Variants in CALCR observed in about 807,000 individuals in gnomAD.
The protein encoded by CALCR is calcitonin receptor.
CALCR carries 47 observed loss-of-function variants against 59.5 expected under a neutral mutation model. The observed-to-expected ratio is 0.79, with a 90% CI of 0.63 to 1.01. The LOEUF is 1.01. Among genes scored for constraint, CALCR ranks in the 50% least tolerant of loss-of-function variants. CALCR has a pLI of 0.00. For synonymous variants in CALCR, 213 were observed against 211.3 expected (o/e 1.01, Z -0.07); for missense variants, 566 against 597.1 (o/e 0.95, Z 0.54).
chr7:93,513,715 T>C (rs2116055733), intron 2 of CALCR, among the ~76,000 whole-genome samples: 1 of 152,158 alleles, frequency 6.6e-6, no homozygotes, highest in Non-Finnish European at 1.5e-5. Context: ...CTTGCAGTGT[T>C]AATGTGATCT....
intron 8 of CALCR, among the ~76,000 whole-genome samples, chr7:93,455,815 A>G (rs1258032424): frequency 1.3e-5 from 2 of 152,142 alleles, no homozygotes; most frequent in African/African-American, 4.8e-5. Context: ...AAAGATACTC[A>G]AGAAATTGGA....
intron 2 of CALCR, among the ~76,000 whole-genome samples, chr7:93,511,445 C>T (rs1156402506): frequency 6.6e-6 from 1 of 151,990 alleles, no homozygotes; most frequent in East Asian, 1.9e-4. Flanking sequence ...AGACAAATCT[C>T]CCATTGTTGA....
chr7:93,427,666 A>T (rs544382063), intron 13 of CALCR, among the ~76,000 whole-genome samples: 1 of 152,182 alleles, frequency 6.6e-6, no homozygotes, highest in Non-Finnish European at 1.5e-5. Flanking sequence ...AATCTGAGAG[A>T]TGAGAAAAAT....
At chr7:93,561,525 T>C (rs1325725542) in intron 2 of CALCR, among the ~76,000 whole-genome samples, 1 of 152,122 alleles carries the variant, frequency 6.6e-6, no homozygotes, top group Non-Finnish European at 1.5e-5. Flanking sequence ...TTAAGAAATT[T>C]ATAATTGTTA....
intron 2 of CALCR, among the ~76,000 whole-genome samples, chr7:93,505,193 C>T (rs141653566): frequency 3.1e-4 from 47 of 152,120 alleles, no homozygotes; most frequent in African/African-American, 1.1e-3. Context: ...ACTCAGTAGT[C>T]ACAATGTTCT....
chr7:93,449,641 C>A (rs1425056378), intron 8 of CALCR, among the ~76,000 whole-genome samples: 1 of 151,944 alleles, frequency 6.6e-6, no homozygotes, highest in Non-Finnish European at 1.5e-5. Context: ...ATTTTAACTC[C>A]TAATTCAATA....
chr7:93,476,441 G>GTA (rs1183294999), intron 5 of CALCR, among the ~76,000 whole-genome samples: 1 of 151,608 alleles, frequency 6.6e-6, no homozygotes. Context: ...GTGTGTATGT[G>GTA]TATATATATA....
chr7:93,433,957 C>T (rs1799713811), intron 13 of CALCR, among the ~76,000 whole-genome samples: 1 of 152,230 alleles, frequency 6.6e-6, no homozygotes, highest in African/African-American at 2.4e-5. Context: ...AGGAATATGA[C>T]TTCTCTTTGT....
intron 2 of CALCR, among the ~76,000 whole-genome samples, chr7:93,525,508 T>A (rs987051950): frequency 6.6e-6 from 1 of 152,190 alleles, no homozygotes; most frequent in African/African-American, 2.4e-5. Context: ...GAGCAGGTCA[T>A]GGTGTGTATG....
intron 2 of CALCR, among the ~76,000 whole-genome samples, chr7:93,558,607 C>T (rs1410698560): frequency 1.3e-5 from 2 of 152,012 alleles, no homozygotes; most frequent in African/African-American, 2.4e-5. Context: ...TTATATTTAT[C>T]ATCATTTAAC....
chr7:93,508,587 G>T (rs916309431), intron 2 of CALCR, among the ~76,000 whole-genome samples: 3 of 152,142 alleles, frequency 2.0e-5, no homozygotes, highest in Admixed American at 6.5e-5. Flanking sequence ...GGTCTAATGG[G>T]TAGGGTCATT....
chr7:93,503,138 A>G (rs1398981748), intron 2 of CALCR, among the ~76,000 whole-genome samples: 2 of 152,040 alleles, frequency 1.3e-5, no homozygotes, highest in East Asian at 1.9e-4. Flanking sequence ...AAGTTACATG[A>G]TAACTATGGG....
chr7:93,527,931 T>A (rs1485472436), intron 2 of CALCR, among the ~76,000 whole-genome samples: 1 of 152,204 alleles, frequency 6.6e-6, no homozygotes, highest in East Asian at 1.9e-4. Context: ...AACACTTTTG[T>A]TATTTTTTGC....
At chr7:93,490,004 T>C (rs1191882239) in intron 2 of CALCR, among the ~76,000 whole-genome samples, 1 of 151,826 alleles carries the variant, frequency 6.6e-6, no homozygotes, top group African/African-American at 2.4e-5. Context: ...GATGCAAAAA[T>C]CCTCAATAAA....
intron 4 of CALCR, among the ~76,000 whole-genome samples, chr7:93,477,984 A>AAT (rs1562989510): frequency 1.0e-4 from 15 of 149,580 alleles, no homozygotes; most frequent in Admixed American, 3.3e-4. Flanking sequence ...AAAAAAAAAA[A>AAT]AAAAAAAAAA....
chr7:93,535,207 T>C (rs1788954126), intron 2 of CALCR, among the ~76,000 whole-genome samples: 1 of 151,756 alleles, frequency 6.6e-6, no homozygotes, highest in Non-Finnish European at 1.5e-5. Flanking sequence ...TTTCGTTTTA[T>C]ACTTATGCTC....
At chr7:93,455,113 G>GAATTGGTCCAAAATGAAAACAAACAAAC (rs1800184079) in intron 8 of CALCR, among the ~76,000 whole-genome samples, 1 of 151,930 alleles carries the variant, frequency 6.6e-6, no homozygotes, top group African/African-American at 2.4e-5. Flanking sequence ...CAGTGACCCT[G>GAATTGGTCCAAAATGAAAACAAACAAAC]AATTGGTCCA....
At position 93,434,280 on chromosome 7, in the gene CALCR, C is replaced by A; in HGVS notation, c.1164G>T (p.Ala388=). Residue 388 remains alanine (A), a synonymous_variant, in exon 13 of 14, where the codon GCG becomes GCT. Transcript: ENST00000426151. ...SLIHFQGFFV[A]TIYCFCNNEV... is the part of the protein sequence containing the mutation. ...CATTGTTGCAGAAGCAGTAGATGGT[C>A]GCAACAAAGAAGCCCTAAAAAGGGA... The A allele has an allele frequency of 6.2e-7, 1 of 1,609,308 alleles. No homozygotes were observed. Among genetic ancestry groups the A allele is most frequent in the East Asian group, 2.2e-5 (1 of 44,778 alleles).
chr7:93,443,718 T>C lies in CALCR; in HGVS notation c.688A>G (p.Met230Val). ...AGCATCCAGAAATAGTTGCAGGCCATCATGTACTGGTGGAAAAAATGCAAA... is the reference window on the plus strand; with the variant it reads ...AGCATCCAGAAATAGTTGCAGGCCACCATGTACTGGTGGAAAAAATGCAAA... ...KILHFFHQYM[M>V]ACNYFWMLCE... The change falls in exon 9 of 14, where the codon ATG becomes GTG. Residue 230 changes from methionine to valine, a missense_variant. Transcript: ENST00000426151. The C allele has an allele frequency of 1.2e-6, 2 of 1,612,954 alleles. No individual in the cohort carries two copies. The highest frequency in any genetic ancestry group is 1.7e-6 in the Non-Finnish European group (2 of 1,179,090).
Sources: allele counts gnomAD v4.1 joint callset (sites outside exome capture counted in the v4.1 genomes callset), GRCh38; gene constraint gnomAD v4.1.1; transcripts MANE v1.5; gene names NCBI Gene and HGNC (gene_info 2026-07-23, HGNC 2026-07-21).